Variants in SEMA3A observed in about 807,000 individuals in gnomAD.
SEMA3A encodes the protein semaphorin-3A.
A neutral mutation model predicts 97.9 loss-of-function variants in SEMA3A; 29 were observed. That is an observed-to-expected ratio of 0.30 (90% CI 0.22 to 0.40). The LOEUF (loss-of-function observed/expected upper bound fraction) is 0.40, where lower values mean the gene tolerates loss of function less well. Ranked by LOEUF, SEMA3A falls within the 10% of genes least tolerant of loss-of-function variation. The pLI is 1.00. For missense variants in SEMA3A, 763 were observed against 951.3 expected (o/e 0.80, Z 2.60); for synonymous variants, 321 against 323.7 (o/e 0.99, Z 0.09).
chr7:84,359,881 C>T (rs1293939575), intron 2 of SEMA3A, among the ~76,000 whole-genome samples: 1 of 151,742 alleles, frequency 6.6e-6, no homozygotes, highest in Non-Finnish European at 1.5e-5. Flanking sequence ...GTGTATGTGT[C>T]GAGGAATTTA....
intron 3 of SEMA3A, among the ~76,000 whole-genome samples, chr7:84,117,567 A>G (rs1795472679): frequency 6.6e-6 from 1 of 152,152 alleles, no homozygotes. Context: ...GCTGCATTAG[A>G]TTCTCGTAGG....
At chr7:84,174,910 A>G (rs1231068431) in intron 1 of SEMA3A, among the ~76,000 whole-genome samples, 1 of 152,228 alleles carries the variant, frequency 6.6e-6, no homozygotes, top group Non-Finnish European at 1.5e-5. Flanking sequence ...TAAAATGTTT[A>G]GCATCTCAAA....
chr7:84,102,305 A>AT lies in SEMA3A; in HGVS notation c.453+8164dup, dbSNP rs549767316. ...CTGCCTTAAGAGAGTTTCTTGACTTATTTTTTACAAATCATGGTAATGTTT... is the reference window on the plus strand; with the variant it reads ...CTGCCTTAAGAGAGTTTCTTGACTTATTTTTTTACAAATCATGGTAATGTTT... On this transcript the variant is annotated intron_variant, in intron 4 of 16. Coordinates refer to ENST00000265362, the MANE Select transcript of SEMA3A (RefSeq NM_006080.3). 1.1e-4 allele frequency among the ~76,000 whole-genome samples: 16 copies of AT among 152,266 alleles called. No individual in the cohort carries two copies. In the East Asian group the frequency reaches 2.9e-3, roughly 28 times the overall value.
At chr7:84,155,483 A>G (rs1266307906) in intron 1 of SEMA3A, among the ~76,000 whole-genome samples, 1 of 152,092 alleles carries the variant, frequency 6.6e-6, no homozygotes, top group African/African-American at 2.4e-5. Flanking sequence ...TTGACCTCAG[A>G]TAGGCCATCT....
intron 1 of SEMA3A, among the ~76,000 whole-genome samples, chr7:84,475,051 G>A (rs570901313): frequency 6.6e-6 from 1 of 152,300 alleles, no homozygotes; most frequent in South Asian, 2.1e-4. Context: ...ATGGGCTGGA[G>A]GCACCAGAGT....
At chr7:84,386,118 C>A (rs1018811815) in intron 1 of SEMA3A, among the ~76,000 whole-genome samples, 1 of 152,142 alleles carries the variant, frequency 6.6e-6, no homozygotes, top group Non-Finnish European at 1.5e-5. Flanking sequence ...ACTGTGGGAT[C>A]ACTCAACTGA....
intron 1 of SEMA3A, among the ~76,000 whole-genome samples, chr7:84,412,501 A>G (rs1478996582): frequency 6.6e-6 from 1 of 152,146 alleles, no homozygotes; most frequent in African/African-American, 2.4e-5. Context: ...ATGTCAGTCA[A>G]AAATCCCCCT....
chr7:84,312,650 T>C (rs1160083939), intron 2 of SEMA3A, among the ~76,000 whole-genome samples: 1 of 150,270 alleles, frequency 6.7e-6, no homozygotes, highest in Non-Finnish European at 1.5e-5. Flanking sequence ...TATATGCATA[T>C]GTACACATTT....
intron 6 of SEMA3A, among the ~76,000 whole-genome samples, chr7:84,031,519 A>C (rs1791754512): frequency 6.6e-6 from 1 of 152,110 alleles, no homozygotes; most frequent in East Asian, 1.9e-4. Context: ...AATACGTAAT[A>C]ATAACTTATT....
chr7:84,440,204 C>T (rs1346060434), intron 1 of SEMA3A, among the ~76,000 whole-genome samples: 1 of 152,164 alleles, frequency 6.6e-6, no homozygotes, highest in Non-Finnish European at 1.5e-5. Flanking sequence ...TTTTGGAAAT[C>T]TGGAGTCCGT....
intron 1 of SEMA3A, among the ~76,000 whole-genome samples, chr7:84,148,139 C>T (rs1457552513): frequency 3.3e-5 from 5 of 151,824 alleles, no homozygotes; most frequent in African/African-American, 9.7e-5. Flanking sequence ...GGTCTCGAAC[C>T]CCTGACCTCA....
chr7:84,255,305 TC>T (rs776143884), intron 3 of SEMA3A, among the ~76,000 whole-genome samples: 5 of 152,196 alleles, frequency 3.3e-5, no homozygotes, highest in South Asian at 2.1e-4. Flanking sequence ...TTTGCTGTTC[TC>T]CTACTTCCAT....
intron 12 of SEMA3A, among the ~76,000 whole-genome samples, chr7:83,985,981 G>C (rs1369344546): frequency 6.6e-6 from 1 of 152,194 alleles, no homozygotes; most frequent in Non-Finnish European, 1.5e-5. Flanking sequence ...CGATAAGCAG[G>C]ATGGGGATAT....
intron 3 of SEMA3A, among the ~76,000 whole-genome samples, chr7:84,227,352 C>T (rs1347995850): frequency 6.6e-6 from 1 of 151,960 alleles, no homozygotes; most frequent in East Asian, 1.9e-4. Context: ...AACTTCAAAC[C>T]AGCAAGCATT....
chr7:84,052,200 T>C, intron 5 of SEMA3A, among the ~76,000 whole-genome samples: 1 of 152,002 alleles, frequency 6.6e-6, no homozygotes, highest in East Asian at 1.9e-4. Context: ...TGCCTGGCTT[T>C]GGTATCAGGA....
At position 83,978,847 on chromosome 7, in the gene SEMA3A, A is replaced by C. The variant is rs186000504; in HGVS notation, c.1653-1651T>G. 1.2e-4 allele frequency among the ~76,000 whole-genome samples: 19 copies of C among 152,314 alleles called. No individual in the cohort carries two copies. The East Asian group carries it at 3.7e-3, about 29-fold the overall frequency. On this transcript the variant is annotated intron_variant, in intron 14 of 16. Coordinates refer to ENST00000265362, the MANE Select transcript of SEMA3A (RefSeq NM_006080.3). ...ATGAGGCTTCTAAACATCCTTTTTA[A>C]AGACAGCGTGTCACTCATGAAATTG... is the stretch of plus-strand genomic sequence containing the variant.
intron 1 of SEMA3A, among the ~76,000 whole-genome samples, chr7:84,456,642 A>G (rs1318820839): frequency 6.6e-6 from 1 of 151,834 alleles, no homozygotes; most frequent in Non-Finnish European, 1.5e-5. Flanking sequence ...ACTATAACAT[A>G]CAGTAAAGTC....
intron 3 of SEMA3A, among the ~76,000 whole-genome samples, chr7:84,291,425 T>C (rs1204211512): frequency 6.6e-6 from 1 of 152,094 alleles, no homozygotes; most frequent in Non-Finnish European, 1.5e-5. Flanking sequence ...GTGGTGTATC[T>C]TACATTCAAT....
At chr7:84,451,065 C>T (rs1392595536) in intron 1 of SEMA3A, among the ~76,000 whole-genome samples, 1 of 152,134 alleles carries the variant, frequency 6.6e-6, no homozygotes, top group East Asian at 1.9e-4. Context: ...AGTGTCATAG[C>T]CAAGAAATCA....
Sources: allele counts gnomAD v4.1 joint callset (sites outside exome capture counted in the v4.1 genomes callset), GRCh38; gene constraint gnomAD v4.1.1; transcripts MANE v1.5; gene names NCBI Gene and HGNC (gene_info 2026-07-23, HGNC 2026-07-21).